SLC26A1: variants seen among roughly 807,000 people sequenced by gnomAD.
The protein encoded by SLC26A1 is sulfate anion transporter 1.
A neutral mutation model predicts 14.5 loss-of-function variants in SLC26A1; 18 were observed. The observed-to-expected ratio is 1.24, with a 90% confidence interval of 0.86 to 1.84. SLC26A1 has a LOEUF of 1.84. Ranked by LOEUF, SLC26A1 falls within the 40% of genes most tolerant of loss-of-function variation. The pLI is 0.00. For missense variants in SLC26A1, 1,049 were observed against 1,020.0 expected (o/e 1.03, Z -0.39); for synonymous variants, 505 against 492.0 (o/e 1.03, Z -0.35).
chr4:979,456 G>C, exon 3 of SLC26A1: 1 of 1,613,052 alleles, frequency 6.2e-7, no homozygotes, highest in South Asian at 1.1e-5. Flanking sequence ...TCACTCCTCT[G>C]TGTTAATTGC....
downstream of SLC26A1, chr4:986,947 C>T (rs1015636676): frequency 5.9e-6 from 4 of 679,244 alleles, no homozygotes; most frequent in African/African-American, 7.3e-5. Context: ...CCACCCAACC[C>T]CTCCCACCCG....
At chr4:981,033 C>T (rs1020951959) in intron 2 of SLC26A1, among the ~76,000 whole-genome samples, 5 of 152,190 alleles carry the variant, frequency 3.3e-5, no homozygotes, top group African/African-American at 2.4e-5. Flanking sequence ...TCTCAACCAG[C>T]GACTCCCCAG....
exon 3 of SLC26A1, chr4:979,239 C>T (rs1367171066): frequency 3.5e-6 from 2 of 577,010 alleles, no homozygotes; most frequent in South Asian, 2.2e-5. Context: ...AGGACGCTTG[C>T]TCAGGCTTCT....
At chr4:990,923 T>C (rs1577518440) in intron 2 of SLC26A1, 1 of 554,516 alleles carries the variant, frequency 1.8e-6, no homozygotes, top group Non-Finnish European at 3.1e-6. Flanking sequence ...CCCGTGCCCC[T>C]CCCCTCCTGC....
downstream of SLC26A1, among the ~76,000 whole-genome samples, chr4:984,472 A>G (rs1408510013): frequency 2.0e-5 from 3 of 152,230 alleles, no homozygotes; most frequent in African/African-American, 7.2e-5. Context: ...ACCCTTCAGC[A>G]TGGATCACAA....
At chr4:983,015 C>A (rs757862943), downstream of SLC26A1, among the ~76,000 whole-genome samples, 1 of 152,246 alleles carries the variant, frequency 6.6e-6, no homozygotes, top group Admixed American at 6.5e-5. Flanking sequence ...AGGCGACAGG[C>A]GCGGGCCTGG....
At chr4:984,879 C>T (rs564004123), downstream of SLC26A1, among the ~76,000 whole-genome samples, 33 of 152,308 alleles carry the variant, frequency 2.2e-4, no homozygotes, top group Non-Finnish European at 4.0e-4. Flanking sequence ...ATGTACAAGG[C>T]ATATTCCAAA....
Position 989,798 on chromosome 4 carries a change from C to A in SLC26A1, c.1141G>T (p.Gly381Cys), listed in dbSNP as rs1419041850. 6.4e-7 allele frequency: 1 copy of A among 1,572,724 alleles called. No individual in the cohort carries two copies. Among genetic ancestry groups the A allele is most frequent in the East Asian group, 2.3e-5 (1 of 42,690 alleles). The change falls in exon 3 of 3, where the codon GGC becomes TGC. Residue 381 changes from glycine to cysteine, a missense_variant. Coordinates refer to ENST00000398516, the MANE Select transcript of SLC26A1 (RefSeq NM_022042.4). The stretch of plus-strand genomic sequence containing the variant: ...AAGGCGGGTAGCACGTTGCAGCAGC[C>A]CACAGCCAGCAGCTCCTGGTTGGCA... ...VRANQELLAVGCCNVLPAFLH... is the reference protein window; with the variant it reads ...VRANQELLAVCCCNVLPAFLH...
chr4:982,241 G>A (rs748053202), intron 2 of SLC26A1, among the ~76,000 whole-genome samples: 1 of 152,202 alleles, frequency 6.6e-6, no homozygotes, highest in Admixed American at 6.5e-5. Context: ...CTGGGTCACA[G>A]GACCAGCACC....
intron 2 of SLC26A1, among the ~76,000 whole-genome samples, chr4:981,052 C>T (rs986278927): frequency 1.3e-5 from 2 of 152,310 alleles, no homozygotes; most frequent in South Asian, 2.1e-4. Flanking sequence ...AGTCAGCAAC[C>T]GGCCAGCGTG....
At chr4:979,586 C>G (rs1049639655) in intron 2 of SLC26A1, 9 of 1,558,698 alleles carry the variant, frequency 5.8e-6, no homozygotes, top group African/African-American at 1.4e-5. Context: ...CCCTGCCGGG[C>G]CCCAAAGTGC....
At chr4:990,778 G>T in intron 2 of SLC26A1, 1 of 388,546 alleles carries the variant, frequency 2.6e-6, no homozygotes, top group Non-Finnish European at 4.6e-6. Context: ...GACCTTCGGG[G>T]GTGGGGAGGC....
At chr4:986,735 C>A (rs968313058), downstream of SLC26A1, 2 of 468,120 alleles carry the variant, frequency 4.3e-6, no homozygotes, top group Admixed American at 4.7e-5. Flanking sequence ...TCAGCCTGGG[C>A]GACAAAGCAA....
At position 989,598 on chromosome 4, in the gene SLC26A1, C is replaced by G; in HGVS notation, c.1341G>C (p.Val447=). Residue 447 remains valine, a synonymous_variant, in exon 3 of 3, where the codon GTG becomes GTC. Transcript: ENST00000398516. ...TGCGCAGGGCCCCCCGCAGGCTGAC[C>G]ACGATGACGCAGGCCAGCACGCTTC... is the stretch of plus-strand genomic sequence containing the variant. ...LQRSVLACVI[V]VSLRGALRKV... The G allele has an allele frequency of 6.2e-7, 1 of 1,601,558 alleles. No homozygotes were observed. The highest frequency in any genetic ancestry group is 2.3e-5 in the East Asian group (1 of 44,366).
At chr4:981,616 G>A (rs997734825) in intron 2 of SLC26A1, among the ~76,000 whole-genome samples, 1 of 152,086 alleles carries the variant, frequency 6.6e-6, no homozygotes, top group African/African-American at 2.4e-5. Context: ...CCAGCCTAGG[G>A]GACAGAGCAA....
In SLC26A1 at chr4:979,332, C is replaced by A. The variant is rs1713467074; in HGVS notation, c.*74G>T. 4 of 883,654 alleles carry A rather than the reference C, an allele frequency of 4.5e-6. No homozygotes were observed. The Admixed American group carries it at 6.0e-5, about 13-fold the overall frequency. The allele number at this position is 883,654 out of a possible 1,614,324, so 54.7% of individuals were successfully genotyped here. Reference sequence around the variant, plus strand: ...AGCCTCCCTCTGGAATAAGCTGTATCCACCGGCTTCTCGTGAGGCTGGTGT... The same window carrying A: ...AGCCTCCCTCTGGAATAAGCTGTATACACCGGCTTCTCGTGAGGCTGGTGT... On this transcript the variant is annotated 3_prime_UTR_variant, in exon 3 of 3. Transcript: ENST00000398520.
chr4:990,120 C>T lies in SLC26A1; in HGVS notation c.819G>A (p.Val273=). 6.3e-7 allele frequency: 1 copy of T among 1,578,730 alleles called. No homozygotes were observed. The highest frequency in any genetic ancestry group is 8.6e-7 in the Non-Finnish European group (1 of 1,163,932). ...DVVTSTVCLA[V]LLAAKELSDR... ...CTGAGAGCTCCTTCGCGGCTAGCAGCACCGCCAGGCACACCGTGCTGGTGA... is the reference window on the plus strand; with the variant it reads ...CTGAGAGCTCCTTCGCGGCTAGCAGTACCGCCAGGCACACCGTGCTGGTGA... Residue 273 remains valine, a synonymous_variant, in exon 3 of 3, where the codon GTG becomes GTA. Coordinates refer to ENST00000398516, the MANE Select transcript of SLC26A1 (RefSeq NM_022042.4).
downstream of SLC26A1, chr4:986,911 T>C: frequency 1.4e-6 from 1 of 690,438 alleles, no homozygotes; most frequent in Non-Finnish European, 2.6e-6. Flanking sequence ...CCTGCCGTGC[T>C]CCCGGCTCCC....
chr4:992,332 T>G, intron 1 of SLC26A1: 1 of 399,666 alleles, frequency 2.5e-6, no homozygotes, highest in Non-Finnish European at 5.2e-6. Context: ...CACCCACCCC[T>G]CTGTCACCTG....
Sources: gnomAD v4.1 joint callset for allele counts (sites outside exome capture counted in the v4.1 genomes callset) on GRCh38, gnomAD v4.1.1 for gene constraint, MANE v1.5 for transcripts, NCBI Gene and HGNC (gene_info 2026-07-23, HGNC 2026-07-21) for gene names.